ROBO1: variants seen among roughly 807,000 people sequenced by gnomAD.
ROBO1 encodes roundabout homolog 1.
In ROBO1, 149 loss-of-function variants were observed where a neutral mutation model predicts 195.9. That is an observed-to-expected ratio of 0.76 (90% confidence interval 0.67 to 0.87). The LOEUF is 0.87. ROBO1 is among the 40% of genes least tolerant of loss of function. The probability of loss-of-function intolerance (pLI) is 0.00; values close to 1 mark genes in which losing one functional copy is unlikely to be tolerated. For missense variants in ROBO1, 1,933 were observed against 2,068.3 expected, an observed-to-expected ratio of 0.93 and a Z score of 1.27; for synonymous variants, 816 against 733.2, an observed-to-expected ratio of 1.11 and a Z score of -1.82.
chr3:79,544,320 T>A (rs1361733799), intron 2 of ROBO1, among the ~76,000 whole-genome samples: 2 of 151,948 alleles, frequency 1.3e-5, no homozygotes. Context: ...ATAACATTTT[T>A]TCTTTTTATG....
Position 79,489,109 on chromosome 3 carries a change from C to T in ROBO1, c.88+100715G>A, listed in dbSNP as rs902864237. Reference sequence around the variant, plus strand: ...AATGGAAAATATACATATATAAGTACATATATATATATATATAAAACATGT... The same window carrying T: ...AATGGAAAATATACATATATAAGTATATATATATATATATATAAAACATGT... On this transcript the variant is annotated intron_variant, in intron 2 of 30. Coordinates refer to ENST00000464233, the MANE Select transcript of ROBO1 (RefSeq NM_002941.4). Among the ~76,000 whole-genome samples, 16 of 148,148 alleles carry T rather than the reference C, an allele frequency of 1.1e-4. No homozygotes were observed. In the South Asian group the frequency reaches 2.3e-3, roughly 22 times the overall value.
rs148842757 is a variant in ROBO1 at position 78,820,230 on chromosome 3, A to G, written c.500-73330T>C. On this transcript the variant is annotated intron_variant, in intron 4 of 30. Coordinates refer to ENST00000464233, the MANE Select transcript of ROBO1 (RefSeq NM_002941.4). Reference sequence around the variant, plus strand: ...AAAACTCTTCATACTTATATTTTGCACTGTTGTTTTTGATGGTTTTAATTT... The same window carrying G: ...AAAACTCTTCATACTTATATTTTGCGCTGTTGTTTTTGATGGTTTTAATTT... 1.2e-3 allele frequency among the ~76,000 whole-genome samples: 177 copies of G among 152,268 alleles called. 1 individual carries two copies. The highest frequency in any genetic ancestry group is 2.1e-3 in the Non-Finnish European group (144 of 68,004).
intron 2 of ROBO1, among the ~76,000 whole-genome samples, chr3:79,131,489 T>C (rs1276027898): frequency 7.3e-5 from 1 of 13,704 alleles, no homozygotes; most frequent in Non-Finnish European, 2.3e-4. Context: ...TGTAGTATTC[T>C]CTGATGGTAG....
intron 2 of ROBO1, among the ~76,000 whole-genome samples, chr3:79,554,722 A>G (rs867904220): frequency 6.6e-6 from 1 of 152,122 alleles, no homozygotes; most frequent in Non-Finnish European, 1.5e-5. Context: ...CTTTAGGAAG[A>G]TATTTGATAC....
At chr3:79,756,608 A>C (rs1480134755) in intron 1 of ROBO1, among the ~76,000 whole-genome samples, 6 of 152,056 alleles carry the variant, frequency 3.9e-5, no homozygotes, top group Non-Finnish European at 7.4e-5. Context: ...AGGATGTCCA[A>C]GCAAAAATGA....
At chr3:79,018,056 C>T (rs1487504785) in intron 3 of ROBO1, among the ~76,000 whole-genome samples, 3 of 152,174 alleles carry the variant, frequency 2.0e-5, no homozygotes, top group African/African-American at 7.2e-5. Flanking sequence ...CTCACTTCGG[C>T]TCATCCTGGG....
At chr3:78,937,524 T>C (rs1204665914) in intron 4 of ROBO1, among the ~76,000 whole-genome samples, 1 of 152,128 alleles carries the variant, frequency 6.6e-6, no homozygotes, top group Non-Finnish European at 1.5e-5. Flanking sequence ...TGTCATATTA[T>C]ATACAGCAGG....
At chr3:79,253,157 A>C (rs1415995059) in intron 2 of ROBO1, among the ~76,000 whole-genome samples, 1 of 152,058 alleles carries the variant, frequency 6.6e-6, no homozygotes, top group Non-Finnish European at 1.5e-5. Flanking sequence ...CAGTGTGTAG[A>C]CAAAAAAGAA....
intron 1 of ROBO1, among the ~76,000 whole-genome samples, chr3:79,621,063 T>C (rs993753281): frequency 2.0e-5 from 3 of 152,132 alleles, no homozygotes; most frequent in African/African-American, 7.2e-5. Flanking sequence ...ATATCAAACA[T>C]GCTTTCTTTA....
chr3:78,700,711 T>A (rs1240271540), intron 8 of ROBO1, among the ~76,000 whole-genome samples: 2 of 152,048 alleles, frequency 1.3e-5, no homozygotes, highest in African/African-American at 4.8e-5. Flanking sequence ...AGGTCACCTA[T>A]CAGGTAAGAC....
At chr3:79,194,280 T>C (rs2081591720) in intron 2 of ROBO1, among the ~76,000 whole-genome samples, 1 of 151,724 alleles carries the variant, frequency 6.6e-6, no homozygotes, top group Admixed American at 6.6e-5. Context: ...TTGTATGTAC[T>C]GTTGCTCACA....
intron 4 of ROBO1, among the ~76,000 whole-genome samples, chr3:78,768,793 A>G (rs1386231519): frequency 1.4e-5 from 2 of 145,696 alleles, no homozygotes; most frequent in South Asian, 2.3e-4. Flanking sequence ...ATATCTCCCA[A>G]TGCTATCCCT....
At position 79,061,595 on chromosome 3, in the gene ROBO1, C is replaced by G. The variant is rs182711771; in HGVS notation, c.172+63861G>C. ...CTGGAGACATCACACTACCTGACTT[C>G]AAACTATACTGCATGGCTACAGTAA... is the stretch of plus-strand genomic sequence containing the variant. On this transcript the variant is annotated intron_variant, in intron 3 of 30. Coordinates refer to ENST00000464233, the MANE Select transcript of ROBO1 (RefSeq NM_002941.4). Among the ~76,000 whole-genome samples the G allele has an allele frequency of 2.6e-3, 396 of 152,234 alleles. 1 individual carries two copies. The highest frequency in any genetic ancestry group is 4.1e-3 in the Non-Finnish European group (278 of 68,000).
chr3:79,365,958 G>A (rs955778384), intron 2 of ROBO1, among the ~76,000 whole-genome samples: 26 of 151,666 alleles, frequency 1.7e-4, no homozygotes, highest in Non-Finnish European at 2.4e-4. Context: ...TTTCCATTGG[G>A]TTACATCTCT....
At chr3:79,564,691 C>G (rs1461878170) in intron 2 of ROBO1, among the ~76,000 whole-genome samples, 1 of 151,812 alleles carries the variant, frequency 6.6e-6, no homozygotes, top group African/African-American at 2.4e-5. Flanking sequence ...TTTAAAAAGC[C>G]AAGTGTGCTG....
chr3:79,443,348 G>A (rs1227668753), intron 2 of ROBO1, among the ~76,000 whole-genome samples: 1 of 152,034 alleles, frequency 6.6e-6, no homozygotes, highest in Non-Finnish European at 1.5e-5. Context: ...CAATTAACAG[G>A]CATTGTAGTT....
chr3:79,651,530 A>G (rs1197662003), intron 1 of ROBO1, among the ~76,000 whole-genome samples: 1 of 152,122 alleles, frequency 6.6e-6, no homozygotes, highest in Non-Finnish European at 1.5e-5. Flanking sequence ...TGCCAACTTG[A>G]AAACCCTCTT....
chr3:79,648,342 G>A lies in ROBO1; in HGVS notation c.-50-58381C>T, dbSNP rs111258989. On this transcript the variant is annotated intron_variant, in intron 1 of 30. Coordinates refer to ENST00000464233, the MANE Select transcript of ROBO1 (RefSeq NM_002941.4). ...AACTTGACTCCGCTGCAGTAAAACC[G>A]TTGGGAATCAAGCACAAGCAAGCAC... 6.6e-3 allele frequency among the ~76,000 whole-genome samples: 1,005 copies of A among 152,084 alleles called. 10 individuals are homozygous for A. Among genetic ancestry groups the A allele is most frequent in the African/African-American group, 0.023 (944 of 41,506 alleles).
At chr3:79,629,969 T>C (rs7627339) in intron 1 of ROBO1, among the ~76,000 whole-genome samples, 86,659 of 151,720 alleles carry the variant, frequency 0.57, 26,210 homozygotes, top group East Asian at 0.89. Flanking sequence ...AGACCAACAA[T>C]GAGTAATAAA....
Sources: gnomAD v4.1 joint callset for allele counts (sites outside exome capture counted in the v4.1 genomes callset) on GRCh38, gnomAD v4.1.1 for gene constraint, MANE v1.5 for transcripts, NCBI Gene and HGNC (gene_info 2026-07-23, HGNC 2026-07-21) for gene names.